Variants in GLIS3 observed in about 807,000 individuals in gnomAD.
GLIS3 encodes zinc finger protein GLIS3.
In GLIS3, 53 loss-of-function variants were observed where a neutral mutation model predicts 78.6. The ratio of observed to expected loss-of-function variants is 0.67; its 90% CI spans 0.54 to 0.85. The LOEUF is 0.85. GLIS3 is among the 40% of genes least tolerant of loss of function. The pLI is 0.00. For synonymous variants in GLIS3, 684 were observed against 509.9 expected (o/e 1.34, Z -4.60); for missense variants, 1,703 against 1,231.1 (o/e 1.38, Z -5.74).
intron 2 of GLIS3, among the ~76,000 whole-genome samples, chr9:4,191,612 T>A (rs766899172): frequency 5.0e-4 from 76 of 152,212 alleles, no homozygotes; most frequent in Non-Finnish European, 8.2e-4. Flanking sequence ...TAACTTCATT[T>A]TGTTTTTCCA....
At chr9:4,053,549 G>C (rs1045150808) in intron 4 of GLIS3, among the ~76,000 whole-genome samples, 2 of 151,048 alleles carry the variant, frequency 1.3e-5, no homozygotes, top group African/African-American at 2.4e-5. Flanking sequence ...TGTCTTGTTC[G>C]ACAGAATATC....
In GLIS3 at chr9:3,982,208, T is replaced by G. The variant is rs545474129; in HGVS notation, c.1711-45019A>C. ...TCTACCAGCAGGAGGTACCTTTACC[T>G]CTCTGTTTTTTTTTTTCCTACATAG... On this transcript the variant is annotated intron_variant, in intron 4 of 10. Transcript: ENST00000381971. 4.6e-5 allele frequency among the ~76,000 whole-genome samples: 7 copies of G among 151,248 alleles called. No homozygotes were observed. The East Asian group carries it at 1.4e-3, about 29-fold the overall frequency.
intron 2 of GLIS3, among the ~76,000 whole-genome samples, chr9:4,252,535 G>A (rs1237414319): frequency 1.3e-5 from 2 of 151,970 alleles, no homozygotes; most frequent in African/African-American, 4.8e-5. Flanking sequence ...TAAATTCCTT[G>A]CATTGGGTTA....
At position 4,233,069 on chromosome 9, in the gene GLIS3, G is replaced by C. The variant is rs146874254; in HGVS notation, c.388+52969C>G. ...TTAATAAGGAGGATGAGCTCTAATG[G>C]CCAATTACATAATTTTGATACCAAC... On this transcript the variant is annotated intron_variant, in intron 2 of 10. Coordinates refer to ENST00000381971, the MANE Select transcript of GLIS3 (RefSeq NM_001042413.2). Among the ~76,000 whole-genome samples, 1,330 of 152,236 alleles carry C rather than the reference G, an allele frequency of 8.7e-3. 20 individuals are homozygous for C. The highest frequency in any genetic ancestry group is 0.029 in the African/African-American group (1,219 of 41,524).
chr9:4,128,586 CA>C (rs1407783017), intron 2 of GLIS3, among the ~76,000 whole-genome samples: 1 of 152,158 alleles, frequency 6.6e-6, no homozygotes, highest in African/African-American at 2.4e-5. Flanking sequence ...TGATGATATA[CA>C]GTACCATTTT....
chr9:4,185,742 A>C (rs533058643), intron 2 of GLIS3, among the ~76,000 whole-genome samples: 6 of 152,332 alleles, frequency 3.9e-5, no homozygotes, highest in African/African-American at 1.4e-4. Flanking sequence ...CATGTTCAGC[A>C]CAAGGCATCA....
intron 2 of GLIS3, among the ~76,000 whole-genome samples, chr9:4,134,074 G>A (rs957085219): frequency 4.6e-5 from 7 of 152,114 alleles, no homozygotes; most frequent in South Asian, 2.1e-4. Flanking sequence ...ATTTCAAAAC[G>A]TGGCAAGAAA....
chr9:4,226,591 T>C (rs1821788002), intron 2 of GLIS3, among the ~76,000 whole-genome samples: 1 of 152,166 alleles, frequency 6.6e-6, no homozygotes, highest in African/African-American at 2.4e-5. Flanking sequence ...TGATATGGCT[T>C]CCTGCTTCCT....
At chr9:4,365,688 C>T in the GLIS3 span, among the ~76,000 whole-genome samples, 1 of 152,234 alleles carries the variant, frequency 6.6e-6, no homozygotes, top group African/African-American at 2.4e-5. Context: ...ATCTGAAAAA[C>T]TGGATGACTA....
At chr9:4,485,294 C>T in the GLIS3 span, among the ~76,000 whole-genome samples, 2 of 152,090 alleles carry the variant, frequency 1.3e-5, no homozygotes. Flanking sequence ...GGATTACAGA[C>T]GTGAGCCACC....
At chr9:4,353,785 G>A in the GLIS3 span, among the ~76,000 whole-genome samples, 820 of 152,236 alleles carry the variant, frequency 5.4e-3, 22 homozygotes, top group Admixed American at 0.045. Context: ...AATTATATGT[G>A]TTGAACTTAA....
the GLIS3 span, among the ~76,000 whole-genome samples, chr9:4,368,672 AGCCAAGCACTG>A: frequency 3.9e-5 from 6 of 152,176 alleles, no homozygotes; most frequent in Non-Finnish European, 7.4e-5. Context: ...CCTCTTCTTA[AGCCAAGCACTG>A]GCCAAAACCT....
chr9:4,025,048 G>A (rs948665254), intron 4 of GLIS3, among the ~76,000 whole-genome samples: 5 of 151,774 alleles, frequency 3.3e-5, no homozygotes, highest in Non-Finnish European at 5.9e-5. Flanking sequence ...TCAGGAGTTC[G>A]AGACCAGCCT....
In GLIS3 at chr9:3,833,286, C is replaced by G. The variant is rs953998828; in HGVS notation, c.2474-3794G>C. 2.0e-5 allele frequency among the ~76,000 whole-genome samples: 3 copies of G among 152,168 alleles called. No individual in the cohort carries two copies. The East Asian group carries it at 5.8e-4, about 29-fold the overall frequency. On this transcript the variant is annotated intron_variant, in intron 9 of 10. Coordinates refer to ENST00000381971, the MANE Select transcript of GLIS3 (RefSeq NM_001042413.2). ...TCCAAGTAGCCAGTTACTAGAGATG[C>G]CAAATACACTGGTGTGGATGGTTTT...
At chr9:4,136,542 A>G (rs1011663456) in intron 2 of GLIS3, among the ~76,000 whole-genome samples, 2 of 152,220 alleles carry the variant, frequency 1.3e-5, no homozygotes, top group African/African-American at 4.8e-5. Context: ...ACCAAATAAT[A>G]TTTAAAGTAC....
At chr9:4,477,369 G>A in the GLIS3 span, among the ~76,000 whole-genome samples, 1,921 of 150,430 alleles carry the variant, frequency 0.013, 38 homozygotes, top group Non-Finnish European at 0.016. Context: ...AGTTAGAGTG[G>A]GGTGGGGGTG....
chr9:4,221,719 A>C (rs961769339), intron 2 of GLIS3, among the ~76,000 whole-genome samples: 4 of 152,250 alleles, frequency 2.6e-5, no homozygotes, highest in African/African-American at 4.8e-5. Context: ...TAACATATGG[A>C]AACACATTAC....
intron 2 of GLIS3, among the ~76,000 whole-genome samples, chr9:4,266,843 T>C (rs1826057955): frequency 6.6e-6 from 1 of 152,198 alleles, no homozygotes; most frequent in African/African-American, 2.4e-5. Flanking sequence ...TTCTTCTAAA[T>C]TTACCAAAGA....
At chr9:3,979,918 C>G (rs535905559) in intron 4 of GLIS3, among the ~76,000 whole-genome samples, 1 of 152,176 alleles carries the variant, frequency 6.6e-6, no homozygotes, top group Admixed American at 6.5e-5. Context: ...AGGAGCAGAC[C>G]GACAGCAGAA....
Sources: gnomAD v4.1 joint callset for allele counts (sites outside exome capture counted in the v4.1 genomes callset) on GRCh38, gnomAD v4.1.1 for gene constraint, MANE v1.5 for transcripts, NCBI Gene and HGNC (gene_info 2026-07-23, HGNC 2026-07-21) for gene names.